LRRC4C: variants seen among roughly 807,000 people sequenced by gnomAD.
LRRC4C encodes leucine-rich repeat-containing protein 4C.
In LRRC4C, 5 loss-of-function variants were observed where a neutral mutation model predicts 33.6. The ratio of observed to expected loss-of-function variants is 0.15; its 90% CI spans 0.08 to 0.31. LRRC4C has a LOEUF of 0.31. Ranked by LOEUF, LRRC4C falls within the 10% of genes least tolerant of loss-of-function variation. The pLI is 1.00. For synonymous variants in LRRC4C, 329 were observed against 302.0 expected (o/e 1.09, Z -0.93); for missense variants, 560 against 796.7 (o/e 0.70, Z 3.58).
At chr11:41,127,434 T>C (rs1178609791) in intron 1 of LRRC4C, among the ~76,000 whole-genome samples, 1 of 152,144 alleles carries the variant, frequency 6.6e-6, no homozygotes, top group African/African-American at 2.4e-5. Flanking sequence ...TTATAATTCA[T>C]AGTTAAAATA....
intron 1 of LRRC4C, among the ~76,000 whole-genome samples, chr11:41,373,023 A>G (rs914755735): frequency 6.6e-6 from 1 of 152,142 alleles, no homozygotes; most frequent in Non-Finnish European, 1.5e-5. Flanking sequence ...TACAGCTATG[A>G]CTATTCTAAC....
At chr11:41,344,173 G>A (rs1475991245) in intron 1 of LRRC4C, among the ~76,000 whole-genome samples, 3 of 150,066 alleles carry the variant, frequency 2.0e-5, no homozygotes, top group South Asian at 4.2e-4. Context: ...CGCTTCCAGA[G>A]CCCAGTGATT....
In LRRC4C at chr11:40,325,728, A is replaced by G. The variant is rs548078958; in HGVS notation, c.-269-6007T>C. On this transcript the variant is annotated intron_variant, in intron 3 of 6. Coordinates refer to ENST00000528697, the MANE Select transcript of LRRC4C (RefSeq NM_001258419.2). ...CTTATTTTTTTCATTTTTCATCAAC[A>G]CCAGGCAGCTAATGATCATAGCAAA... 5.9e-5 allele frequency among the ~76,000 whole-genome samples: 9 copies of G among 152,264 alleles called. No homozygotes were observed. In the South Asian group the frequency reaches 1.9e-3, roughly 32 times the overall value.
At chr11:40,195,763 C>T (rs2135672422) in intron 5 of LRRC4C, among the ~76,000 whole-genome samples, 1 of 151,818 alleles carries the variant, frequency 6.6e-6, no homozygotes, top group East Asian at 1.9e-4. Flanking sequence ...AAAAGATTTC[C>T]TTGACTTCCA....
At chr11:40,774,825 A>G (rs989216376) in intron 2 of LRRC4C, among the ~76,000 whole-genome samples, 2 of 152,148 alleles carry the variant, frequency 1.3e-5, no homozygotes, top group Non-Finnish European at 2.9e-5. Flanking sequence ...GCTATTTGGC[A>G]TTATGTATCT....
intron 3 of LRRC4C, among the ~76,000 whole-genome samples, chr11:40,448,050 C>T (rs995086851): frequency 6.6e-6 from 1 of 152,012 alleles, no homozygotes; most frequent in East Asian, 1.9e-4. Flanking sequence ...CTCCTGACCG[C>T]CTACCTCAGT....
At chr11:40,952,847 C>G (rs1958760254) in intron 1 of LRRC4C, among the ~76,000 whole-genome samples, 1 of 68,274 alleles carries the variant, frequency 1.5e-5, no homozygotes, top group African/African-American at 5.5e-5. Context: ...TGTCTATTTC[C>G]AAACACACAC....
chr11:40,305,577 A>G (rs78537954), intron 4 of LRRC4C, among the ~76,000 whole-genome samples: 3 of 151,840 alleles, frequency 2.0e-5, no homozygotes, highest in African/African-American at 4.8e-5. Flanking sequence ...AATGATGACT[A>G]TGTATCCAGT....
rs527788389 is a variant in LRRC4C at position 40,797,247 on chromosome 11, TA to T, written c.-407+136387del. Among the ~76,000 whole-genome samples, 631 of 152,172 alleles carry T rather than the reference TA, an allele frequency of 4.1e-3. 2 individuals carry two copies. The highest frequency in any genetic ancestry group is 0.014 in the African/African-American group (577 of 41,524). On this transcript the variant is annotated intron_variant, in intron 2 of 6. Coordinates refer to ENST00000528697, the MANE Select transcript of LRRC4C (RefSeq NM_001258419.2). ...GATACAGATATCTCTGATTGGGATA[TA>T]AAAATAGAAATGGAGAGTATGGGGT...
chr11:41,395,100 T>A (rs2939765), intron 1 of LRRC4C, among the ~76,000 whole-genome samples: 65,804 of 151,474 alleles, frequency 0.43, 15,345 homozygotes, highest in East Asian at 0.59. Context: ...CTGGTTTAAA[T>A]AGCATTTTTC....
intron 3 of LRRC4C, among the ~76,000 whole-genome samples, chr11:40,402,006 G>A (rs560591931): frequency 1.3e-5 from 2 of 152,172 alleles, no homozygotes; most frequent in South Asian, 4.1e-4. Context: ...ACAATGTTAG[G>A]GAGGTTGGAG....
chr11:40,422,627 G>A (rs1211747248), intron 3 of LRRC4C, among the ~76,000 whole-genome samples: 2 of 150,980 alleles, frequency 1.3e-5, no homozygotes, highest in African/African-American at 4.9e-5. Flanking sequence ...CAAGTTCTAC[G>A]AAAACTGTAT....
intron 5 of LRRC4C, among the ~76,000 whole-genome samples, chr11:40,186,632 C>T (rs952780548): frequency 6.6e-6 from 1 of 152,140 alleles, no homozygotes; most frequent in Non-Finnish European, 1.5e-5. Context: ...TCTTCAAAGC[C>T]ATAGATTACG....
At chr11:41,299,927 C>T (rs931145360) in intron 1 of LRRC4C, among the ~76,000 whole-genome samples, 2 of 152,064 alleles carry the variant, frequency 1.3e-5, no homozygotes, top group African/African-American at 4.8e-5. Context: ...TAGGAAAGCA[C>T]ATTCTGGTTC....
chr11:41,202,343 C>T (rs535766283), intron 1 of LRRC4C, among the ~76,000 whole-genome samples: 39 of 152,154 alleles, frequency 2.6e-4, no homozygotes, highest in Non-Finnish European at 5.1e-4. Flanking sequence ...GAATCAATAG[C>T]AGCTCATCAA....
chr11:41,216,103 A>C (rs1338384685), intron 1 of LRRC4C, among the ~76,000 whole-genome samples: 1 of 152,230 alleles, frequency 6.6e-6, no homozygotes, highest in Admixed American at 6.5e-5. Context: ...AAAGAAGCAA[A>C]TGTCTGAGCT....
At chr11:41,117,099 A>G (rs1399521956) in intron 1 of LRRC4C, among the ~76,000 whole-genome samples, 1 of 152,074 alleles carries the variant, frequency 6.6e-6, no homozygotes, top group Non-Finnish European at 1.5e-5. Flanking sequence ...GAGAATGAAA[A>G]ACTTGCGGCC....
intron 2 of LRRC4C, among the ~76,000 whole-genome samples, chr11:40,886,286 G>A (rs1955448579): frequency 6.6e-6 from 1 of 151,750 alleles, no homozygotes. Context: ...ACCCAGTTAA[G>A]TAGCTTTGGC....
chr11:41,301,677 T>G (rs1485307309), intron 1 of LRRC4C, among the ~76,000 whole-genome samples: 1 of 152,138 alleles, frequency 6.6e-6, no homozygotes, highest in Non-Finnish European at 1.5e-5. Context: ...TTTCTTATAA[T>G]TCCATCTTTT....
Sources: gnomAD v4.1 joint callset for allele counts (sites outside exome capture counted in the v4.1 genomes callset) on GRCh38, gnomAD v4.1.1 for gene constraint, MANE v1.5 for transcripts, NCBI Gene and HGNC (gene_info 2026-07-23, HGNC 2026-07-21) for gene names.